Variants in SPG11 observed in about 807,000 individuals in gnomAD.
SPG11 encodes the protein spatacsin.
In SPG11, 222 loss-of-function variants were observed where a neutral mutation model predicts 274.0. That is an observed-to-expected ratio of 0.81 (90% CI 0.73 to 0.91). SPG11 has a LOEUF of 0.91. SPG11 is among the 40% of genes least tolerant of loss of function. The pLI is 0.00. For synonymous variants in SPG11, 1,144 were observed against 1,039.7 expected (o/e 1.10, Z -1.93); for missense variants, 3,114 against 2,872.7 (o/e 1.08, Z -1.92).
intron 27 of SPG11, 71 bp downstream of exon 27, chr15:44,592,260 A>AAAAAC: frequency 1.1e-6 from 1 of 951,234 alleles, no homozygotes; most frequent in East Asian, 2.4e-5. Flanking sequence ...GTCTTTAAAC[A>AAAAAC]AAAACAAAAA....
intron 24 of SPG11, 104 bp downstream of exon 24, chr15:44,596,680 A>C (rs1298989840): frequency 2.6e-6 from 2 of 756,696 alleles, no homozygotes; most frequent in African/African-American, 3.7e-5. Context: ...AAAAAAAAAA[A>C]AAAAAAAAAA....
chr15:44,659,362 T>C (rs1183344915), intron 2 of SPG11, 59 bp from the exon 3 acceptor site: 3 of 1,409,952 alleles, frequency 2.1e-6, no homozygotes, highest in Non-Finnish European at 3.0e-6. Flanking sequence ...AACTGGTACA[T>C]TTGATTTGAT....
chr15:44,571,746 C>G (rs1455877066), intron 33 of SPG11, among the ~76,000 whole-genome samples: 1 of 152,108 alleles, frequency 6.6e-6, no homozygotes, highest in East Asian at 1.9e-4. Flanking sequence ...ATCCACCCGC[C>G]TCGGCCTCCC....
chr15:44,633,324 CAAAAAAAAAAAAAAAAAAA>C (rs531787427), intron 8 of SPG11, 162 bp downstream of exon 8: 403 of 108,812 alleles, frequency 3.7e-3, no homozygotes, highest in East Asian at 0.013. Context: ...GACTCTGTCT[CAAAAAAAAAAAAAAAAAAA>C]AAAAAAAAAA....
At chr15:44,585,943 G>A in intron 28 of SPG11, 93 bp from the exon 29 acceptor site, 1 of 787,414 alleles carries the variant, frequency 1.3e-6, no homozygotes, top group South Asian at 1.4e-5. Flanking sequence ...AAATATACGT[G>A]TTTAACATAG....
chr15:44,650,772 C>T (rs1054563972), intron 6 of SPG11, among the ~76,000 whole-genome samples: 7 of 151,924 alleles, frequency 4.6e-5, no homozygotes, highest in South Asian at 2.1e-4. Flanking sequence ...TTTTTTGAGA[C>T]GGAGTCTCAC....
intron 7 of SPG11, among the ~76,000 whole-genome samples, chr15:44,637,920 G>A (rs756337836): frequency 2.6e-5 from 4 of 152,304 alleles, no homozygotes; most frequent in African/African-American, 7.2e-5. Context: ...AGATTGTCTT[G>A]TGGGACAAGA....
chr15:44,636,958 CAA>C (rs1328250311), intron 7 of SPG11, among the ~76,000 whole-genome samples: 4 of 89,102 alleles, frequency 4.5e-5, no homozygotes, highest in Non-Finnish European at 6.2e-5. Flanking sequence ...AAAAAAAAAA[CAA>C]AAAAAAAACA....
chr15:44,588,752 T>C (rs1014510165), intron 28 of SPG11: 13 of 341,130 alleles, frequency 3.8e-5, no homozygotes, highest in African/African-American at 2.1e-4. Flanking sequence ...GGGTACATAA[T>C]TGCTCTCTAC....
chr15:44,636,950 A>AAAAAAAAAAAAAAAAAAAAAAAT (rs2084288885), intron 7 of SPG11, among the ~76,000 whole-genome samples: 1 of 126,724 alleles, frequency 7.9e-6, no homozygotes, highest in Non-Finnish European at 1.6e-5. Flanking sequence ...AAAAAAAAAA[A>AAAAAAAAAAAAAAAAAAAAAAAT]AAAAAAACAA....
chr15:44,659,158 A>G lies in SPG11; in HGVS notation c.588T>C (p.Pro196=), dbSNP rs1437711111. The change falls in exon 3 of 40, where the codon CCT becomes CCC. Residue 196 remains proline (P), a synonymous_variant. Transcript: ENST00000261866. ...CAATAATCATGTCCACTGCCTGTGC[A>G]GGCAAGGGAAGTGTGAAACAGTTGA... ...RVLNCFTLPL[P]AQAVDMIIDT... is the part of the protein sequence containing the mutation. The G allele has an allele frequency of 1.2e-6, 2 of 1,614,252 alleles. No homozygotes were observed. The highest frequency in any genetic ancestry group is 2.2e-5 in the East Asian group (1 of 44,876).
chr15:44,642,029 A>C (rs1219293397), intron 7 of SPG11, among the ~76,000 whole-genome samples: 1 of 152,010 alleles, frequency 6.6e-6, no homozygotes, highest in Non-Finnish European at 1.5e-5. Context: ...AGTTATATAC[A>C]TTAAACATGG....
At chr15:44,597,012 T>G in intron 23 of SPG11, 69 bp from the exon 24 acceptor site, 5 of 1,481,532 alleles carry the variant, frequency 3.4e-6, no homozygotes, top group Non-Finnish European at 4.7e-6. Flanking sequence ...TAGCTTTAGC[T>G]TGAACTGGAA....
At chr15:44,648,605 A>G (rs934959834) in intron 7 of SPG11, among the ~76,000 whole-genome samples, 1 of 151,120 alleles carries the variant, frequency 6.6e-6, no homozygotes, top group Non-Finnish European at 1.5e-5. Context: ...CACTTCATTT[A>G]GTCTCATTAG....
chr15:44,627,800 A>G (rs1010481922), intron 10 of SPG11, among the ~76,000 whole-genome samples: 1 of 152,120 alleles, frequency 6.6e-6, no homozygotes, highest in African/African-American at 2.4e-5. Context: ...CCATTTGGTC[A>G]GACTTGTCTT....
In SPG11 at chr15:44,592,321, TC is replaced by T; in HGVS notation, c.4743+9del. ...GATCAGTGAGAAAGAGCACCATAATTCCAACTTACCGTTTCAAGGCTCTTCT... is the reference window on the plus strand; with the variant it reads ...GATCAGTGAGAAAGAGCACCATAATTCAACTTACCGTTTCAAGGCTCTTCT... On this transcript the variant is annotated intron_variant, in intron 27 of 39. Coordinates refer to ENST00000261866, the MANE Select transcript of SPG11 (RefSeq NM_025137.4). 4.5e-6 allele frequency: 7 copies of T among 1,546,086 alleles called. No individual in the cohort carries two copies. The highest frequency in any genetic ancestry group is 6.3e-6 in the Non-Finnish European group (7 of 1,118,310).
intron 4 of SPG11, among the ~76,000 whole-genome samples, chr15:44,656,617 G>T (rs151275179): frequency 1.3e-5 from 2 of 152,166 alleles, no homozygotes; most frequent in Non-Finnish European, 2.9e-5. Context: ...TAGTGACTTG[G>T]GGGAGGGACG....
chr15:44,620,435 A>G (rs764957382), intron 14 of SPG11, 32 bp from the exon 15 acceptor site: 1 of 1,459,528 alleles, frequency 6.9e-7, no homozygotes, highest in Non-Finnish European at 9.5e-7. Context: ...TTAAAATATA[A>G]TTAATTATGT....
At chr15:44,661,017 G>A (rs193058619) in intron 1 of SPG11, among the ~76,000 whole-genome samples, 2 of 152,088 alleles carry the variant, frequency 1.3e-5, no homozygotes, top group African/African-American at 4.8e-5. Flanking sequence ...TAAATGTTTT[G>A]ACTTTTAAAA....
Sources: gnomAD v4.1 joint callset for allele counts (sites outside exome capture counted in the v4.1 genomes callset) on GRCh38, gnomAD v4.1.1 for gene constraint, MANE v1.5 for transcripts, NCBI Gene and HGNC (gene_info 2026-07-23, HGNC 2026-07-21) for gene names.